ROR1: variants seen among roughly 807,000 people sequenced by gnomAD.
The protein encoded by ROR1 is inactive tyrosine-protein kinase transmembrane receptor ROR1.
A neutral mutation model predicts 78.8 loss-of-function variants in ROR1; 19 were observed. The observed-to-expected ratio is 0.24, with a 90% CI of 0.17 to 0.35. The LOEUF (loss-of-function observed/expected upper bound fraction) is 0.35. ROR1 is among the 10% of genes least tolerant of loss of function. ROR1 has a pLI of 1.00. For missense variants in ROR1, 917 were observed against 1,177.8 expected, an observed-to-expected ratio of 0.78 and a Z score of 3.24; for synonymous variants, 386 against 433.6, an observed-to-expected ratio of 0.89 and a Z score of 1.36.
intron 1 of ROR1, among the ~76,000 whole-genome samples, chr1:63,794,799 T>G (rs1557499993): frequency 6.6e-6 from 1 of 152,206 alleles, no homozygotes; most frequent in East Asian, 1.9e-4. Flanking sequence ...GCTCCCATTT[T>G]GTAAGTCCTG....
At chr1:63,777,438 G>A (rs918907486) in intron 1 of ROR1, among the ~76,000 whole-genome samples, 1 of 152,212 alleles carries the variant, frequency 6.6e-6, no homozygotes, top group Admixed American at 6.5e-5. Context: ...CTCCCTGGCT[G>A]GCTAGGGGGA....
At chr1:63,886,496 C>A (rs903321499) in intron 1 of ROR1, among the ~76,000 whole-genome samples, 1 of 152,068 alleles carries the variant, frequency 6.6e-6, no homozygotes, top group Non-Finnish European at 1.5e-5. Context: ...CTGTGGCACC[C>A]GGTAATTTAT....
intron 2 of ROR1, among the ~76,000 whole-genome samples, chr1:64,023,212 C>A (rs1046637855): frequency 2.0e-5 from 3 of 152,194 alleles, no homozygotes; most frequent in Admixed American, 2.0e-4. Context: ...AGGATGCTAG[C>A]ATCCTGCATC....
chr1:63,803,708 A>C (rs990769086), intron 1 of ROR1, among the ~76,000 whole-genome samples: 4 of 152,252 alleles, frequency 2.6e-5, no homozygotes, highest in African/African-American at 9.6e-5. Flanking sequence ...CATTTGTCCC[A>C]GAGAAATGAA....
At chr1:63,931,991 C>T (rs1645756523) in intron 1 of ROR1, among the ~76,000 whole-genome samples, 1 of 152,030 alleles carries the variant, frequency 6.6e-6, no homozygotes, top group Non-Finnish European at 1.5e-5. Context: ...GAACGTACCC[C>T]CTTTGGATGA....
intron 2 of ROR1, among the ~76,000 whole-genome samples, chr1:64,036,340 C>T (rs540282444): frequency 2.4e-4 from 36 of 152,248 alleles, no homozygotes; most frequent in African/African-American, 7.2e-4. Flanking sequence ...TTGTCCTCAA[C>T]AAACTCACAG....
chr1:64,027,917 A>G (rs1375730317), intron 2 of ROR1, among the ~76,000 whole-genome samples: 4 of 152,112 alleles, frequency 2.6e-5, no homozygotes, highest in African/African-American at 9.6e-5. Flanking sequence ...TGATCTCCTG[A>G]CCTCATGATC....
At chr1:64,132,801 T>C (rs1034813639) in intron 4 of ROR1, among the ~76,000 whole-genome samples, 14 of 148,242 alleles carry the variant, frequency 9.4e-5, no homozygotes, top group African/African-American at 2.9e-4. Flanking sequence ...GAGATAGGCA[T>C]TTTAACTGAA....
intron 1 of ROR1, among the ~76,000 whole-genome samples, chr1:63,893,449 A>G (rs1174534391): frequency 1.3e-5 from 2 of 152,154 alleles, no homozygotes; most frequent in Non-Finnish European, 2.9e-5. Flanking sequence ...GGCCTTGAAG[A>G]TGGTTATTTA....
intron 1 of ROR1, among the ~76,000 whole-genome samples, chr1:63,990,469 A>G (rs557793147): frequency 1.4e-5 from 2 of 143,490 alleles, no homozygotes; most frequent in Non-Finnish European, 3.0e-5. Context: ...CTGTTTCTGA[A>G]AGTTCCCAAG....
intron 1 of ROR1, among the ~76,000 whole-genome samples, chr1:63,991,365 T>TA (rs1334132997): frequency 1.3e-5 from 2 of 152,228 alleles, no homozygotes; most frequent in Admixed American, 1.3e-4. Context: ...TGACAAGCTG[T>TA]AAAAATATTA....
intron 4 of ROR1, among the ~76,000 whole-genome samples, chr1:64,091,326 T>C (rs1165653068): frequency 6.6e-6 from 1 of 152,172 alleles, no homozygotes; most frequent in African/African-American, 2.4e-5. Flanking sequence ...ACATGTTTCT[T>C]TCACATTTCA....
chr1:63,842,553 A>G (rs1010217966), intron 1 of ROR1, among the ~76,000 whole-genome samples: 2 of 152,144 alleles, frequency 1.3e-5, no homozygotes, highest in African/African-American at 4.8e-5. Flanking sequence ...CTCCACATAA[A>G]CATCTTTGAA....
At chr1:63,891,394 G>A (rs546271569) in intron 1 of ROR1, among the ~76,000 whole-genome samples, 6 of 152,276 alleles carry the variant, frequency 3.9e-5, no homozygotes, top group Middle Eastern at 3.4e-3. Context: ...TCCTTTGTCT[G>A]AGGCACTTAG....
chr1:64,069,316 G>A (rs906476422), intron 4 of ROR1, among the ~76,000 whole-genome samples: 1 of 151,924 alleles, frequency 6.6e-6, no homozygotes. Flanking sequence ...TCTTCTTCCC[G>A]TCTCTTTTTT....
chr1:64,076,819 T>A (rs923400786), intron 4 of ROR1, among the ~76,000 whole-genome samples: 1 of 152,246 alleles, frequency 6.6e-6, no homozygotes, highest in Non-Finnish European at 1.5e-5. Flanking sequence ...ATATGCTAAT[T>A]TTAACAAATT....
At chr1:64,124,172 A>C (rs1648637032) in intron 4 of ROR1, among the ~76,000 whole-genome samples, 2 of 152,212 alleles carry the variant, frequency 1.3e-5, no homozygotes, top group Non-Finnish European at 2.9e-5. Flanking sequence ...TTGTGGATGT[A>C]GATGATTTTA....
intron 1 of ROR1, among the ~76,000 whole-genome samples, chr1:63,900,406 G>T (rs953070154): frequency 6.7e-6 from 1 of 149,918 alleles, no homozygotes; most frequent in Non-Finnish European, 1.5e-5. Flanking sequence ...GTGAGCCAAG[G>T]TGGTGGCGTT....
At chr1:63,886,344 T>C (rs1645357202) in intron 1 of ROR1, among the ~76,000 whole-genome samples, 1 of 152,226 alleles carries the variant, frequency 6.6e-6, no homozygotes, top group East Asian at 1.9e-4. Context: ...TCATATGGGC[T>C]GCATTCTTTT....
Sources: gnomAD v4.1 joint callset for allele counts (sites outside exome capture counted in the v4.1 genomes callset) on GRCh38, gnomAD v4.1.1 for gene constraint, MANE v1.5 for transcripts, NCBI Gene and HGNC (gene_info 2026-07-23, HGNC 2026-07-21) for gene names.